CCDC88A: variants seen among roughly 807,000 people sequenced by gnomAD.
CCDC88A encodes girdin.
Under a neutral mutation model 234.3 loss-of-function variants are expected in CCDC88A, and 54 were observed. That is an observed-to-expected ratio of 0.23 (90% confidence interval 0.19 to 0.29). CCDC88A has a LOEUF of 0.29. Ranked by LOEUF, CCDC88A falls within the 10% of genes least tolerant of loss-of-function variation. The pLI, the probability that CCDC88A is intolerant of heterozygous loss-of-function variation, is 1.00. For synonymous variants in CCDC88A, 753 were observed against 737.8 expected, an observed-to-expected ratio of 1.02 and a Z score of -0.33; for missense variants, 1,832 against 2,123.4, an observed-to-expected ratio of 0.86 and a Z score of 2.70.
At chr2:55,371,181 G>A (rs1157175928) in intron 5 of CCDC88A, among the ~76,000 whole-genome samples, 1 of 152,050 alleles carries the variant, frequency 6.6e-6, no homozygotes, top group Non-Finnish European at 1.5e-5. Context: ...AGTACATAAA[G>A]GCTGTAAATA....
intron 17 of CCDC88A, among the ~76,000 whole-genome samples, chr2:55,325,590 C>A (rs1684160530): frequency 6.6e-6 from 1 of 152,092 alleles, no homozygotes. Context: ...AGAGCAAAAT[C>A]TTTGTATTCT....
chr2:55,402,870 G>A (rs555401601), intron 2 of CCDC88A, among the ~76,000 whole-genome samples: 101 of 152,082 alleles, frequency 6.6e-4, no homozygotes, highest in African/African-American at 2.1e-3. Context: ...TTAGCCAGGC[G>A]TGGTGGTGGG....
Position 55,344,439 on chromosome 2 carries a change from G to A in CCDC88A, c.1117C>T (p.Arg373Cys), listed in dbSNP as rs1302791264. Residue 373 changes from arginine to cysteine, a missense_variant, in exon 11 of 33, where the codon CGT becomes TGT. By Grantham distance (180) the Arg-to-Cys change is radical. Coordinates refer to ENST00000436346, the MANE Select transcript of CCDC88A (RefSeq NM_001365480.1). ...TCTAATTCATGTAATTTATCAGAAC[G>A]AGCACGAGTTCCCTCTAGTTGGTCT... Reference protein sequence around the residue: ...LEDQLEGTRARSDKLHELEKE... With the variant: ...LEDQLEGTRACSDKLHELEKE... 5 of 1,586,454 alleles carry A rather than the reference G, an allele frequency of 3.2e-6. No individual in the cohort carries two copies. Among genetic ancestry groups the A allele is most frequent in the Non-Finnish European group, 4.3e-6 (5 of 1,161,548 alleles).
intron 5 of CCDC88A, among the ~76,000 whole-genome samples, chr2:55,366,710 A>T (rs887987131): frequency 2.0e-5 from 3 of 152,168 alleles, no homozygotes; most frequent in African/African-American, 7.2e-5. Flanking sequence ...TTAATACTTT[A>T]TTCCTCAAAT....
Position 55,334,829 on chromosome 2 carries a change from T to A in CCDC88A, c.1992A>T (p.Glu664Asp). Reference protein sequence around the residue: ...TCEKIEALEQENSELERENRK... With the variant: ...TCEKIEALEQDNSELERENRK... ...TATTTTCTCTTTCTAGCTCTGAATT[T>A]TCTTGTTCTAAGGCCTCAATTTTTT... The change falls in exon 15 of 33, where the codon GAA (glutamate) becomes GAT (aspartate). Residue 664 changes from glutamate (E) to aspartate (D), a missense_variant. Glu to Asp is a conservative substitution (Grantham distance 45). Coordinates refer to ENST00000436346, the MANE Select transcript of CCDC88A (RefSeq NM_001365480.1). This position sits in a 1 kb window ranked among gnomAD's most constrained non-coding sequence, Gnocchi z 6.1. The A allele has an allele frequency of 1.3e-6, 2 of 1,565,812 alleles. No individual in the cohort carries two copies. Among genetic ancestry groups the A allele is most frequent in the Non-Finnish European group, 1.7e-6 (2 of 1,153,740 alleles).
At chr2:55,377,847 C>A (rs532961119) in intron 3 of CCDC88A, among the ~76,000 whole-genome samples, 463 of 152,252 alleles carry the variant, frequency 3.0e-3, no homozygotes, top group African/African-American at 0.011. Context: ...ACATCGTGAT[C>A]CGCCTGCCTT....
chr2:55,307,288 A>T (rs76277798), intron 25 of CCDC88A, among the ~76,000 whole-genome samples: 332 of 152,328 alleles, frequency 2.2e-3, no homozygotes, highest in African/African-American at 7.9e-3. Flanking sequence ...GCATATTATA[A>T]TGCGGTACTT....
chr2:55,372,599 A>G (rs1317229956), intron 4 of CCDC88A, 89 bp from the exon 5 acceptor site: 1 of 650,322 alleles, frequency 1.5e-6, no homozygotes, highest in Admixed American at 2.8e-5. Flanking sequence ...GTAATTATGC[A>G]CAGTAACTTG....
chr2:55,412,542 G>A (rs1181941357), intron 2 of CCDC88A, among the ~76,000 whole-genome samples: 1 of 152,132 alleles, frequency 6.6e-6, no homozygotes, highest in Non-Finnish European at 1.5e-5. Context: ...GTAGATGCGA[G>A]GGATCTAGGT....
At chr2:55,402,504 G>T (rs1678870453) in intron 2 of CCDC88A, among the ~76,000 whole-genome samples, 1 of 152,048 alleles carries the variant, frequency 6.6e-6, no homozygotes, top group Non-Finnish European at 1.5e-5. Context: ...TTTCTTAAAG[G>T]TTAAGTGCAA....
At chr2:55,308,639 C>G (rs1681948396) in intron 25 of CCDC88A, 170 bp downstream of exon 25, 1 of 591,014 alleles carries the variant, frequency 1.7e-6, no homozygotes, top group African/African-American at 1.9e-5. Context: ...TGATTTACCT[C>G]AGAAAATTGT....
intron 8 of CCDC88A, 110 bp from the exon 9 acceptor site, chr2:55,349,709 T>G: frequency 1.5e-6 from 1 of 681,346 alleles, no homozygotes; most frequent in South Asian, 2.0e-5. Flanking sequence ...GGACATAGTA[T>G]TAGCCATAAC....
At chr2:55,303,198 GA>G in intron 25 of CCDC88A, 46 bp from the exon 26 acceptor site, 2 of 1,137,200 alleles carry the variant, frequency 1.8e-6, no homozygotes, top group Non-Finnish European at 2.6e-6. Flanking sequence ...GGAGATGAAA[GA>G]AAAAAGGGAG....
At chr2:55,406,518 T>C (rs576648656) in intron 2 of CCDC88A, among the ~76,000 whole-genome samples, 28 of 152,030 alleles carry the variant, frequency 1.8e-4, no homozygotes, top group Admixed American at 9.8e-4. Flanking sequence ...ACTTGGGAGG[T>C]TGAGGCAGGC....
At chr2:55,294,980 T>C (rs369124218) in intron 31 of CCDC88A, 5 of 1,198,426 alleles carry the variant, frequency 4.2e-6, no homozygotes, top group African/African-American at 1.6e-5. Flanking sequence ...CCAAATGATA[T>C]TTTGTTAACA....
chr2:55,374,878 A>T lies in CCDC88A; in HGVS notation c.279T>A (p.Thr93=), dbSNP rs778318049. 22 of 1,601,778 alleles carry T rather than the reference A, an allele frequency of 1.4e-5. No homozygotes were observed. Among genetic ancestry groups the T allele is most frequent in the Middle Eastern group, 3.3e-4 (2 of 6,042 alleles). Residue 93 remains threonine, a synonymous_variant, in exon 4 of 33, where the codon ACT becomes ACA. Coordinates refer to ENST00000436346, the MANE Select transcript of CCDC88A (RefSeq NM_001365480.1). ...ACGACATCATGATCAATTGCTGCAA[A>T]GTCTCCTGTAAAAAAATATCCAACA... ...VRQIKFYYQE[T]LQQLIMMSLP...
intron 2 of CCDC88A, among the ~76,000 whole-genome samples, chr2:55,395,541 C>T (rs761676089): frequency 3.9e-5 from 6 of 152,246 alleles, no homozygotes; most frequent in African/African-American, 9.6e-5. Context: ...GTTTTTATTT[C>T]TAAAAATTAC....
intron 8 of CCDC88A, among the ~76,000 whole-genome samples, chr2:55,352,426 CA>C (rs34722805): frequency 3.5e-5 from 5 of 143,310 alleles, no homozygotes; most frequent in Admixed American, 7.0e-5. Flanking sequence ...GACTCCATCT[CA>C]AAAAAAAAAC....
At chr2:55,418,102 A>G (rs973179671) in intron 2 of CCDC88A, 1 of 152,184 alleles carries the variant, frequency 6.6e-6, no homozygotes, top group African/African-American at 2.4e-5. Context: ...TCAAAAGCAT[A>G]CTTTCCTACT....
Sources: gnomAD v4.1 joint callset for allele counts (sites outside exome capture counted in the v4.1 genomes callset) on GRCh38, gnomAD v4.1.1 for gene constraint, Gnocchi (gnomAD v3.1) non-coding constraint, MANE v1.5 for transcripts, NCBI Gene and HGNC (gene_info 2026-07-23, HGNC 2026-07-21) for gene names.